Variants in NUBPL observed in about 807,000 individuals in gnomAD.
NUBPL encodes the protein iron-sulfur cluster transfer protein NUBPL.
NUBPL carries 31 observed loss-of-function variants against 45.7 expected under a neutral mutation model. The observed-to-expected ratio is 0.68, with a 90% CI of 0.51 to 0.92. The LOEUF (loss-of-function observed/expected upper bound fraction) is 0.92, where lower values mean the gene tolerates loss of function less well. NUBPL is among the 40% of genes least tolerant of loss of function. The pLI, the probability that NUBPL is intolerant of heterozygous loss-of-function variation, is 0.00. For synonymous variants in NUBPL, 144 were observed against 140.9 expected (o/e 1.02, Z -0.15); for missense variants, 401 against 398.7 (o/e 1.01, Z -0.05).
intron 3 of NUBPL, among the ~76,000 whole-genome samples, chr14:31,572,149 A>G (rs536995524): frequency 1.3e-5 from 2 of 149,704 alleles, no homozygotes; most frequent in East Asian, 3.9e-4. Context: ...TTTTTTTTTA[A>G]TTTTTTTTGT....
intron 6 of NUBPL, among the ~76,000 whole-genome samples, chr14:31,763,663 C>T (rs1164794604): frequency 1.3e-5 from 2 of 152,084 alleles, no homozygotes; most frequent in African/African-American, 4.8e-5. Flanking sequence ...GAGAGTATGT[C>T]TTGTTTTCTG....
intron 7 of NUBPL, among the ~76,000 whole-genome samples, chr14:31,803,688 G>A (rs2039633442): frequency 6.6e-6 from 1 of 152,142 alleles, no homozygotes. Flanking sequence ...GCATGATGTA[G>A]AAAGAGTTAT....
chr14:31,837,282 G>C (rs114349951), intron 8 of NUBPL, among the ~76,000 whole-genome samples: 90 of 152,240 alleles, frequency 5.9e-4, no homozygotes, highest in African/African-American at 2.1e-3. Context: ...AGTGAGCCGT[G>C]ATCACACTAC....
At chr14:31,605,112 T>G (rs186985110) in intron 4 of NUBPL, among the ~76,000 whole-genome samples, 4 of 152,330 alleles carry the variant, frequency 2.6e-5, no homozygotes, top group Admixed American at 1.3e-4. Context: ...TGCCAATTTT[T>G]TCCTTCATTT....
chr14:31,694,484 C>A (rs531906389), intron 6 of NUBPL, among the ~76,000 whole-genome samples: 30 of 152,184 alleles, frequency 2.0e-4, no homozygotes, highest in African/African-American at 6.5e-4. Flanking sequence ...TGTCATTGGG[C>A]TTTTTGTCAT....
At chr14:31,651,252 C>A (rs2035996309) in intron 4 of NUBPL, among the ~76,000 whole-genome samples, 1 of 152,092 alleles carries the variant, frequency 6.6e-6, no homozygotes, top group Non-Finnish European at 1.5e-5. Context: ...TGTGCCTCAG[C>A]CAACTGAGTA....
intron 6 of NUBPL, among the ~76,000 whole-genome samples, chr14:31,757,783 G>A (rs1332532150): frequency 6.6e-6 from 1 of 152,042 alleles, no homozygotes; most frequent in Non-Finnish European, 1.5e-5. Flanking sequence ...CAGAAGCCAT[G>A]TGCTTAGATC....
chr14:31,759,094 AG>A (rs1333922813), intron 6 of NUBPL, among the ~76,000 whole-genome samples: 1 of 152,188 alleles, frequency 6.6e-6, no homozygotes, highest in African/African-American at 2.4e-5. Flanking sequence ...ACAAAAAAAA[AG>A]GTCTCCTAAG....
At chr14:31,694,355 T>G (rs1183260628) in intron 6 of NUBPL, among the ~76,000 whole-genome samples, 4 of 152,178 alleles carry the variant, frequency 2.6e-5, no homozygotes, top group South Asian at 2.1e-4. Flanking sequence ...TAAGGCAGTA[T>G]TATTTGGTGA....
chr14:31,646,493 G>A (rs916574124), intron 4 of NUBPL, among the ~76,000 whole-genome samples: 1 of 152,060 alleles, frequency 6.6e-6, no homozygotes, highest in Non-Finnish European at 1.5e-5. Context: ...TGGCCATCAG[G>A]TTCTTTTTCT....
intron 7 of NUBPL, among the ~76,000 whole-genome samples, chr14:31,819,250 T>C (rs548823403): frequency 7.7e-4 from 118 of 152,358 alleles, no homozygotes; most frequent in African/African-American, 2.7e-3. Context: ...AGATGTTGAA[T>C]GATTATTTTC....
At chr14:31,777,598 A>T (rs1051580811) in intron 6 of NUBPL, among the ~76,000 whole-genome samples, 3 of 152,200 alleles carry the variant, frequency 2.0e-5, no homozygotes, top group African/African-American at 7.2e-5. Context: ...TTGTAGGGTG[A>T]AACACAGAAG....
chr14:31,744,138 GA>G (rs1463253001), intron 6 of NUBPL, among the ~76,000 whole-genome samples: 1 of 152,124 alleles, frequency 6.6e-6, no homozygotes, highest in Non-Finnish European at 1.5e-5. Flanking sequence ...TGAAAATGGG[GA>G]AAAAATGTGA....
intron 6 of NUBPL, among the ~76,000 whole-genome samples, chr14:31,693,878 C>T (rs1217001043): frequency 6.9e-5 from 7 of 101,740 alleles, no homozygotes; most frequent in African/African-American, 1.5e-4. Context: ...TTTTTTGAGA[C>T]GGAGTCTCGC....
chr14:31,621,880 T>C (rs1386310095), intron 4 of NUBPL, among the ~76,000 whole-genome samples: 2 of 152,006 alleles, frequency 1.3e-5, no homozygotes, highest in African/African-American at 4.8e-5. Flanking sequence ...CCTTAAAATG[T>C]GGAGGTGAGG....
At chr14:31,683,105 T>C (rs774066675) in intron 6 of NUBPL, among the ~76,000 whole-genome samples, 2 of 151,438 alleles carry the variant, frequency 1.3e-5, no homozygotes, top group Non-Finnish European at 2.9e-5. Context: ...CCAAGCTGTT[T>C]ATGAGGGATC....
At chr14:31,728,567 G>A (rs1799187608) in intron 6 of NUBPL, among the ~76,000 whole-genome samples, 1 of 152,220 alleles carries the variant, frequency 6.6e-6, no homozygotes, top group South Asian at 2.1e-4. Context: ...CTTAGTGTGA[G>A]TAGAGAAACT....
intron 4 of NUBPL, among the ~76,000 whole-genome samples, chr14:31,658,461 A>G (rs1488959331): frequency 6.6e-6 from 1 of 152,022 alleles, no homozygotes; most frequent in African/African-American, 2.4e-5. Flanking sequence ...ATAATATTTC[A>G]CTGCACTAAA....
At chr14:31,588,704 C>T (rs546023037) in intron 3 of NUBPL, among the ~76,000 whole-genome samples, 2 of 151,732 alleles carry the variant, frequency 1.3e-5, no homozygotes, top group Non-Finnish European at 2.9e-5. Flanking sequence ...ATTACGAGGT[C>T]AGGAGTTCGA....
Sources: gnomAD v4.1 joint callset for allele counts (sites outside exome capture counted in the v4.1 genomes callset) on GRCh38, gnomAD v4.1.1 for gene constraint, MANE v1.5 for transcripts, NCBI Gene and HGNC (gene_info 2026-07-23, HGNC 2026-07-21) for gene names.